RBFOX1: variants seen among roughly 807,000 people sequenced by gnomAD.
RBFOX1 encodes RNA binding fox-1 homolog 1.
In RBFOX1, 8 loss-of-function variants were observed where a neutral mutation model predicts 57.7. The ratio of observed to expected loss-of-function variants is 0.14; its 90% confidence interval spans 0.08 to 0.25. RBFOX1 has a LOEUF of 0.25. Among genes scored for constraint, RBFOX1 ranks in the 10% least tolerant of loss-of-function variants. The pLI is 1.00. For missense variants in RBFOX1, 611 were observed against 548.5 expected, an observed-to-expected ratio of 1.11 and a Z score of -1.14; for synonymous variants, 326 against 222.4, an observed-to-expected ratio of 1.47 and a Z score of -4.15.
At chr16:6,544,071 C>T (rs1361323700) in intron 2 of RBFOX1, among the ~76,000 whole-genome samples, 2 of 152,196 alleles carry the variant, frequency 1.3e-5, no homozygotes, top group Non-Finnish European at 2.9e-5. Context: ...GTCTTGTGTG[C>T]CATCTGGCCC....
intron 4 of RBFOX1, among the ~76,000 whole-genome samples, chr16:5,923,551 C>CT (rs369920590): frequency 1.1e-4 from 10 of 93,194 alleles, no homozygotes; most frequent in Non-Finnish European, 1.3e-4. Flanking sequence ...TTTTTTTTTT[C>CT]TTTTTTTTGA....
At chr16:7,556,211 C>T (rs942134764) in intron 5 of RBFOX1, among the ~76,000 whole-genome samples, 1 of 152,124 alleles carries the variant, frequency 6.6e-6, no homozygotes, top group Non-Finnish European at 1.5e-5. Flanking sequence ...AAGTTTTGCA[C>T]AACATGACGC....
intron 3 of RBFOX1, among the ~76,000 whole-genome samples, chr16:6,893,900 C>T (rs2066125102): frequency 6.6e-6 from 1 of 152,112 alleles, no homozygotes; most frequent in Admixed American, 6.6e-5. Flanking sequence ...TCAGCTGTCA[C>T]ACATAGAGGG....
chr16:7,657,738 TTGGGACATTAACACATGATCATTC>T (rs2066678635), intron 12 of RBFOX1, among the ~76,000 whole-genome samples: 1 of 152,204 alleles, frequency 6.6e-6, no homozygotes, highest in Admixed American at 6.5e-5. Context: ...TAGAAACCTC[TTGGGACATTAACACATGATCATTC>T]CTCCAGGGGT....
Position 6,848,126 on chromosome 16 carries a change from C to T in RBFOX1, c.-16+193476C>T, listed in dbSNP as rs528469069. On this transcript the variant is annotated intron_variant, in intron 3 of 15. Transcript: ENST00000550418. The stretch of plus-strand genomic sequence containing the variant: ...GGATTTGCAGGTGTGAGTCATTGTG[C>T]CCGATCCAAGACTGTCTAATGCTGT... 2.7e-3 allele frequency among the ~76,000 whole-genome samples: 415 copies of T among 152,158 alleles called. 1 individual carries two copies. Among genetic ancestry groups the T allele is most frequent in the Non-Finnish European group, 4.8e-3 (324 of 68,010 alleles).
chr16:5,953,704 T>TTATATATATA (rs369586168), intron 4 of RBFOX1, among the ~76,000 whole-genome samples: 6 of 138,722 alleles, frequency 4.3e-5, no homozygotes, highest in South Asian at 4.4e-4. Context: ...GTCTTCTGTC[T>TTATATATATA]TATATATATA....
rs565248640 is a variant in RBFOX1 at position 6,512,283 on chromosome 16, C to CAAAAAAAAAAAAAAAAAAAA, written c.-63-142304_-63-142303insAAAAAAAAAAAAAAAAAAAA. ...TGGGTAACAGAGCAAGACCCTGTATCAAAAAAAAAAAAAAAAGGTAAGAGA... is the reference window on the plus strand; with the variant it reads ...TGGGTAACAGAGCAAGACCCTGTATCAAAAAAAAAAAAAAAAAAAAAAAAAAAAAAAAAAAAGGTAAGAGA... On this transcript the variant is annotated intron_variant, in intron 2 of 15. Transcript: ENST00000550418. Among the ~76,000 whole-genome samples, 8 of 86,948 alleles carry CAAAAAAAAAAAAAAAAAAAA rather than the reference C, an allele frequency of 9.2e-5. 1 individual carries two copies. Among genetic ancestry groups the CAAAAAAAAAAAAAAAAAAAA allele is most frequent in the East Asian group, 3.9e-4 (1 of 2,550 alleles). 57.0% of individuals were successfully genotyped at this position (86,948 alleles called of 152,430 possible).
intron 4 of RBFOX1, among the ~76,000 whole-genome samples, chr16:7,376,233 A>G (rs893156356): frequency 1.3e-5 from 2 of 152,234 alleles, no homozygotes; most frequent in African/African-American, 4.8e-5. Context: ...TTTAGATGAA[A>G]TTCTGATAAA....
At chr16:7,308,470 G>A (rs907902956) in intron 4 of RBFOX1, among the ~76,000 whole-genome samples, 7 of 152,016 alleles carry the variant, frequency 4.6e-5, no homozygotes, top group South Asian at 2.1e-4. Flanking sequence ...TTAAAAATAC[G>A]TCAAATGCTT....
intron 4 of RBFOX1, among the ~76,000 whole-genome samples, chr16:5,949,483 G>A (rs1346693287): frequency 1.5e-5 from 2 of 135,992 alleles, no homozygotes; most frequent in East Asian, 2.1e-4. Flanking sequence ...TCGAGATCAC[G>A]CCAGTGCACT....
At chr16:6,116,484 C>G (rs1011244249) in intron 1 of RBFOX1, among the ~76,000 whole-genome samples, 2 of 152,142 alleles carry the variant, frequency 1.3e-5, no homozygotes, top group Admixed American at 1.3e-4. Context: ...AAGATACTAC[C>G]ATGCATTGCA....
chr16:6,591,194 C>T lies in RBFOX1; in HGVS notation c.-63-63409C>T, dbSNP rs75117425. On this transcript the variant is annotated intron_variant, in intron 2 of 15. Transcript: ENST00000550418. ...GGCGTGGCTGCTCATGCCTGTAATCCCAGTGCTTTGGGAGGCCAAGGAGGG... is the reference window on the plus strand; with the variant it reads ...GGCGTGGCTGCTCATGCCTGTAATCTCAGTGCTTTGGGAGGCCAAGGAGGG... Among the ~76,000 whole-genome samples, 5 of 152,068 alleles carry T rather than the reference C, an allele frequency of 3.3e-5. No individual in the cohort carries two copies. In the East Asian group the frequency reaches 9.7e-4, roughly 29 times the overall value.
At chr16:5,899,354 T>A (rs916751129) in intron 4 of RBFOX1, among the ~76,000 whole-genome samples, 1 of 152,034 alleles carries the variant, frequency 6.6e-6, no homozygotes, top group African/African-American at 2.4e-5. Context: ...CTGTCCATTA[T>A]AGGGGAAACT....
At chr16:5,868,215 C>G (rs1014310686) in intron 4 of RBFOX1, among the ~76,000 whole-genome samples, 2 of 152,226 alleles carry the variant, frequency 1.3e-5, no homozygotes, top group East Asian at 1.9e-4. Context: ...TCCTGAGCCA[C>G]TGTGTGGTTA....
At chr16:6,711,943 C>G (rs1331600526) in intron 3 of RBFOX1, among the ~76,000 whole-genome samples, 1 of 152,148 alleles carries the variant, frequency 6.6e-6, no homozygotes, top group Non-Finnish European at 1.5e-5. Context: ...CATTTCTTGT[C>G]TCCCATTCTT....
At chr16:7,071,733 C>G (rs964412043) in intron 4 of RBFOX1, among the ~76,000 whole-genome samples, 3 of 152,028 alleles carry the variant, frequency 2.0e-5, no homozygotes, top group African/African-American at 7.2e-5. Flanking sequence ...CAAAAAGTTA[C>G]TGTTTATTTT....
intron 1 of RBFOX1, among the ~76,000 whole-genome samples, chr16:6,215,020 G>T (rs993409673): frequency 7.4e-6 from 1 of 134,600 alleles, no homozygotes. Context: ...GAAGGGGAGA[G>T]GTAAAAGGAA....
chr16:7,408,471 A>G (rs1245196199), intron 4 of RBFOX1, among the ~76,000 whole-genome samples: 2 of 152,234 alleles, frequency 1.3e-5, no homozygotes, highest in Non-Finnish European at 1.5e-5. Context: ...ATATCCTTAA[A>G]TTATAACGTC....
intron 4 of RBFOX1, among the ~76,000 whole-genome samples, chr16:5,867,999 A>G (rs1161367813): frequency 6.6e-6 from 1 of 151,986 alleles, no homozygotes; most frequent in African/African-American, 2.4e-5. Context: ...GGTGTGAGCC[A>G]CCATGCCCAG....
Sources: allele counts gnomAD v4.1 joint callset (sites outside exome capture counted in the v4.1 genomes callset), GRCh38; gene constraint gnomAD v4.1.1; transcripts MANE v1.5; gene names NCBI Gene and HGNC (gene_info 2026-07-23, HGNC 2026-07-21).